TDRD1: variants seen among roughly 807,000 people sequenced by gnomAD.
TDRD1 encodes the protein tudor domain containing 1.
TDRD1 carries 37 observed loss-of-function variants against 140.6 expected under a neutral mutation model. The ratio of observed to expected loss-of-function variants is 0.26; its 90% confidence interval spans 0.20 to 0.35. TDRD1 has a LOEUF of 0.35. Among genes scored for constraint, TDRD1 ranks in the 10% least tolerant of loss-of-function variants. TDRD1 has a pLI of 1.00. For missense variants in TDRD1, 1,243 were observed against 1,393.0 expected, an observed-to-expected ratio of 0.89 and a Z score of 1.71; for synonymous variants, 506 against 475.7, an observed-to-expected ratio of 1.06 and a Z score of -0.83.
upstream of TDRD1, among the ~76,000 whole-genome samples, chr10:114,175,688 G>T (rs1306353601): frequency 6.6e-6 from 1 of 152,148 alleles, no homozygotes; most frequent in Non-Finnish European, 1.5e-5. Flanking sequence ...AAGCAAGGAA[G>T]AAAAGCAAAG....
chr10:114,206,200 G>T (rs368572531), intron 10 of TDRD1, 44 bp from the exon 11 acceptor site: 32 of 1,379,164 alleles, frequency 2.3e-5, no homozygotes, highest in Non-Finnish European at 3.2e-5. Flanking sequence ...ATAATTCTTT[G>T]TATAGTTTCT....
Position 114,203,589 on chromosome 10 carries a change from T to C in TDRD1, c.981+22T>C, listed in dbSNP as rs748771255. The C allele has an allele frequency of 2.5e-6, 4 of 1,576,392 alleles. No homozygotes were observed. The Admixed American group carries it at 7.6e-5, about 30-fold the overall frequency. On this transcript the variant is annotated intron_variant, in intron 8 of 25. Transcript: ENST00000251864. ...TCAGGTAACCTGTAATGAAATGAAT[T>C]ATTTAAAACGTTTGAGCTAACTTTG...
chr10:114,199,920 G>A (rs993015008), intron 4 of TDRD1, among the ~76,000 whole-genome samples: 19 of 152,160 alleles, frequency 1.2e-4, no homozygotes, highest in Admixed American at 1.2e-3. Flanking sequence ...AAACATTTCT[G>A]TACAAGTGTT....
exon 10 of TDRD1, chr10:114,204,875 G>A (rs949477298): frequency 1.3e-6 from 2 of 1,587,990 alleles, no homozygotes; most frequent in Non-Finnish European, 1.7e-6. Flanking sequence ...TGCTGTAGAA[G>A]TTGAGCTGCC....
chr10:114,198,001 A>C (rs902097292), intron 3 of TDRD1, among the ~76,000 whole-genome samples: 2 of 151,980 alleles, frequency 1.3e-5, no homozygotes, highest in African/African-American at 4.8e-5. Context: ...TTCCTCCGAC[A>C]CTGCTCTGGC....
intron 16 of TDRD1, among the ~76,000 whole-genome samples, chr10:114,216,975 C>T: frequency 6.6e-6 from 1 of 152,222 alleles, no homozygotes; most frequent in East Asian, 1.9e-4. Flanking sequence ...GCTCCAATGT[C>T]TCTCTCCAGT....
chr10:114,227,010 A>G, intron 22 of TDRD1, 62 bp from the exon 23 acceptor site: 2 of 878,258 alleles, frequency 2.3e-6, no homozygotes, highest in South Asian at 3.6e-5. Flanking sequence ...ATTCTTAGAT[A>G]ATTTATCTAA....
At chr10:114,231,405 T>G (rs2036748941) in intron 25 of TDRD1, 2 of 1,154,876 alleles carry the variant, frequency 1.7e-6, no homozygotes, top group Non-Finnish European at 2.5e-6. Context: ...ATATTTTGTT[T>G]GCTTGTATTT....
upstream of TDRD1, among the ~76,000 whole-genome samples, chr10:114,178,982 C>T (rs572427750): frequency 1.0e-3 from 152 of 152,184 alleles, 2 homozygotes; most frequent in South Asian, 0.03. Context: ...TGTGTGTTTA[C>T]TTTCCAAGAC....
At chr10:114,192,025 A>G (rs1323515296) in intron 3 of TDRD1, among the ~76,000 whole-genome samples, 1 of 151,440 alleles carries the variant, frequency 6.6e-6, no homozygotes, top group African/African-American at 2.4e-5. Flanking sequence ...CTTTGGTGAA[A>G]TATTTTCATG....
At chr10:114,201,418 A>C in exon 5 of TDRD1, 1 of 1,613,878 alleles carries the variant, frequency 6.2e-7, no homozygotes, top group Non-Finnish European at 8.5e-7. Flanking sequence ...AGGATCGCTG[A>C]GGTGCTCTCA....
intron 2 of TDRD1, among the ~76,000 whole-genome samples, chr10:114,189,995 A>T (rs1467778001): frequency 6.6e-6 from 1 of 152,216 alleles, no homozygotes; most frequent in East Asian, 1.9e-4. Context: ...TTGGTGTACT[A>T]TTAAAGGCAA....
intron 1 of TDRD1, among the ~76,000 whole-genome samples, chr10:114,183,452 A>G (rs1291675973): frequency 6.6e-6 from 1 of 152,246 alleles, no homozygotes; most frequent in Non-Finnish European, 1.5e-5. Flanking sequence ...TGAAAAAGAC[A>G]GTGAAAAAGA....
chr10:114,190,162 C>T (rs1449393156), intron 2 of TDRD1, among the ~76,000 whole-genome samples: 2 of 152,152 alleles, frequency 1.3e-5, no homozygotes, highest in African/African-American at 4.8e-5. Flanking sequence ...ATGAATCCAG[C>T]TGTCTTCTGT....
intron 13 of TDRD1, among the ~76,000 whole-genome samples, chr10:114,211,381 A>C (rs1021158908): frequency 1.1e-4 from 17 of 152,226 alleles, no homozygotes; most frequent in African/African-American, 4.1e-4. Context: ...TGGACGGCAC[A>C]AGTCCTGCCT....
chr10:114,186,271 G>GTT (rs1329846090), intron 1 of TDRD1, among the ~76,000 whole-genome samples: 2 of 151,730 alleles, frequency 1.3e-5, no homozygotes, highest in Non-Finnish European at 2.9e-5. Flanking sequence ...GAGTTTTTTT[G>GTT]TTTGTTTTTT....
exon 12 of TDRD1, chr10:114,210,581 G>A (rs772813670): frequency 1.9e-6 from 3 of 1,582,470 alleles, no homozygotes; most frequent in Non-Finnish European, 2.6e-6. Context: ...TTCTGATAAG[G>A]TGATCCTGAA....
At chr10:114,178,753 C>T (rs1027944242), upstream of TDRD1, among the ~76,000 whole-genome samples, 12 of 151,568 alleles carry the variant, frequency 7.9e-5, no homozygotes, top group African/African-American at 1.9e-4. Context: ...AAACATTGCC[C>T]GAAGAGTGCC....
intron 18 of TDRD1, among the ~76,000 whole-genome samples, chr10:114,219,254 T>G (rs2133136964): frequency 6.6e-6 from 1 of 152,352 alleles, no homozygotes; most frequent in African/African-American, 2.4e-5. Flanking sequence ...TATGAGACGT[T>G]TAGGCAAATT....
Sources: allele counts gnomAD v4.1 joint callset (sites outside exome capture counted in the v4.1 genomes callset), GRCh38; gene constraint gnomAD v4.1.1; transcripts MANE v1.5; gene names NCBI Gene and HGNC (gene_info 2026-07-23, HGNC 2026-07-21).